The following USP15 variants were observed in gnomAD, a reference collection of about 807,000 sequenced individuals.
The protein encoded by USP15 is ubiquitin carboxyl-terminal hydrolase 15.
In USP15, 18 loss-of-function variants were observed where a neutral mutation model predicts 127.1. The ratio of observed to expected loss-of-function variants is 0.14; its 90% CI spans 0.10 to 0.21. The LOEUF (loss-of-function observed/expected upper bound fraction) is 0.21. Among genes scored for constraint, USP15 ranks in the 10% least tolerant of loss-of-function variants. USP15 has a pLI of 1.00. For synonymous variants in USP15, 364 were observed against 393.7 expected (o/e 0.92, Z 0.89); for missense variants, 805 against 1,159.9 (o/e 0.69, Z 4.44).
chr12:62,267,720 T>G (rs1485039113), intron 1 of USP15, among the ~76,000 whole-genome samples: 3 of 152,062 alleles, frequency 2.0e-5, no homozygotes. Context: ...AAGTCAAAGA[T>G]CTCACAAAGA....
intron 1 of USP15, among the ~76,000 whole-genome samples, chr12:62,277,819 TG>T (rs1248229832): frequency 6.6e-6 from 1 of 152,206 alleles, no homozygotes; most frequent in African/African-American, 2.4e-5. Flanking sequence ...TGGACAAGCT[TG>T]GCCTAGTGCA....
intron 8 of USP15, among the ~76,000 whole-genome samples, chr12:62,365,022 G>A (rs1353805085): frequency 6.6e-6 from 1 of 152,146 alleles, no homozygotes; most frequent in Non-Finnish European, 1.5e-5. Flanking sequence ...AAGTGTATGT[G>A]TGCATGTGTC....
chr12:62,275,167 G>A (rs961281713), intron 1 of USP15, among the ~76,000 whole-genome samples: 2 of 151,884 alleles, frequency 1.3e-5, no homozygotes, highest in African/African-American at 4.8e-5. Flanking sequence ...AGAGAGAGAG[G>A]ATTGACTCAA....
intron 6 of USP15, among the ~76,000 whole-genome samples, chr12:62,346,865 C>T (rs989807341): frequency 2.6e-5 from 4 of 152,108 alleles, no homozygotes; most frequent in Non-Finnish European, 4.4e-5. Context: ...ACTGGTAATT[C>T]CCTGAACACA....
chr12:62,383,102 C>T (rs2067038392), intron 9 of USP15, among the ~76,000 whole-genome samples: 1 of 151,784 alleles, frequency 6.6e-6, no homozygotes. Flanking sequence ...GAATGCAAAA[C>T]AAAATATAAT....
At chr12:62,379,615 G>A (rs76295956) in intron 8 of USP15, among the ~76,000 whole-genome samples, 6,191 of 152,132 alleles carry the variant, frequency 0.041, 164 homozygotes, top group African/African-American at 0.057. Flanking sequence ...TGTAAATTAG[G>A]TTCTTTATAT....
intron 8 of USP15, among the ~76,000 whole-genome samples, chr12:62,359,238 G>GA (rs764125277): frequency 0.1 from 8,454 of 81,774 alleles, 433 homozygotes; most frequent in African/African-American, 0.19. Flanking sequence ...AGTCTGGCTT[G>GA]AAAAAAAAAA....
At chr12:62,397,596 C>T (rs1247752190) in intron 20 of USP15, among the ~76,000 whole-genome samples, 4 of 151,434 alleles carry the variant, frequency 2.6e-5, no homozygotes, top group African/African-American at 9.7e-5. Flanking sequence ...CAGTGGCTCA[C>T]GCCTGTGATC....
chr12:62,381,348 A>G (rs1358318674), intron 8 of USP15, 142 bp from the exon 9 acceptor site: 1 of 593,928 alleles, frequency 1.7e-6, no homozygotes, highest in Non-Finnish European at 2.7e-6. Context: ...TGTTTATTTG[A>G]CCAGTTATTA....
At chr12:62,404,025 G>C (rs1458513103) in intron 21 of USP15, among the ~76,000 whole-genome samples, 168 bp from the exon 22 acceptor site, 2 of 151,534 alleles carry the variant, frequency 1.3e-5, no homozygotes, top group African/African-American at 4.9e-5. Context: ...TTCTTTATTA[G>C]AAATCATCTT....
chr12:62,400,613 TA>T (rs5798641), intron 20 of USP15, among the ~76,000 whole-genome samples: 3,999 of 137,268 alleles, frequency 0.029, 149 homozygotes, highest in African/African-American at 0.09. Context: ...ATTCTGGTGT[TA>T]AAAAAAAAAA....
At chr12:62,325,266 A>T (rs2065095006) in intron 5 of USP15, among the ~76,000 whole-genome samples, 1 of 151,990 alleles carries the variant, frequency 6.6e-6, no homozygotes, top group South Asian at 2.1e-4. Flanking sequence ...TCCATGCTGT[A>T]ACAGAGAACT....
chr12:62,285,959 C>G (rs1259635071), intron 1 of USP15, among the ~76,000 whole-genome samples: 2 of 152,086 alleles, frequency 1.3e-5, no homozygotes, highest in Non-Finnish European at 2.9e-5. Flanking sequence ...TTTTGAGCTT[C>G]TAATAATAGC....
chr12:62,355,563 GAGTAT>G, intron 8 of USP15, 88 bp downstream of exon 8: 1 of 1,388,296 alleles, frequency 7.2e-7, no homozygotes, highest in Non-Finnish European at 9.7e-7. Flanking sequence ...GCCAGAACAT[GAGTAT>G]ATGTTTTGAA....
rs571305059 is a variant in USP15 at position 62,306,587 on chromosome 12, T to C, written c.348+3667T>C. Among the ~76,000 whole-genome samples the C allele has an allele frequency of 2.6e-5, 4 of 152,304 alleles. No homozygotes were observed. The East Asian group carries it at 5.8e-4, about 22-fold the overall frequency. On this transcript the variant is annotated intron_variant, in intron 3 of 21. Transcript: ENST00000280377. ...ATAGTATTTAATGAAATTATAGGTC[T>C]GCCAAAGTGTTAAAAGTACTGCCTA...
At chr12:62,284,901 T>A (rs1200354839) in intron 1 of USP15, among the ~76,000 whole-genome samples, 2 of 152,112 alleles carry the variant, frequency 1.3e-5, no homozygotes, top group South Asian at 4.1e-4. Context: ...GAGAAGCTAG[T>A]TTCTAGGCAG....
intron 6 of USP15, among the ~76,000 whole-genome samples, chr12:62,329,891 TC>T (rs1289173619): frequency 6.6e-6 from 1 of 152,180 alleles, no homozygotes; most frequent in African/African-American, 2.4e-5. Context: ...AAGTGTTTAA[TC>T]CCTCTGACCC....
intron 1 of USP15, among the ~76,000 whole-genome samples, chr12:62,266,007 C>T (rs1032102481): frequency 7.2e-5 from 11 of 152,108 alleles, no homozygotes; most frequent in African/African-American, 2.7e-4. Flanking sequence ...TATGATAGAA[C>T]ATGTAGGAAA....
intron 8 of USP15, among the ~76,000 whole-genome samples, chr12:62,368,275 T>C (rs568687638): frequency 2.0e-5 from 3 of 152,336 alleles, no homozygotes; most frequent in African/African-American, 7.2e-5. Context: ...CCAAGAAGAA[T>C]GTATGTTTTG....
Sources: allele counts gnomAD v4.1 joint callset (sites outside exome capture counted in the v4.1 genomes callset), GRCh38; gene constraint gnomAD v4.1.1; transcripts MANE v1.5; gene names NCBI Gene and HGNC (gene_info 2026-07-23, HGNC 2026-07-21).